Variants in MEI4 observed in about 807,000 individuals in gnomAD.
The protein encoded by MEI4 is meiotic double-stranded break formation protein 4, also known as meiosis-specific protein MEI4.
In MEI4, 27 loss-of-function variants were observed where a neutral mutation model predicts 31.4. That is an observed-to-expected ratio of 0.86 (90% CI 0.63 to 1.19). The LOEUF is 1.19. Ranked by LOEUF, MEI4 falls within the 50% of genes most tolerant of loss-of-function variation. MEI4 has a pLI of 0.00. For missense variants in MEI4, 329 were observed against 398.9 expected, an observed-to-expected ratio of 0.82 and a Z score of 1.49; for synonymous variants, 122 against 145.4, an observed-to-expected ratio of 0.84 and a Z score of 1.16.
At chr6:77,891,580 A>G (rs1309945094) in intron 4 of MEI4, among the ~76,000 whole-genome samples, 1 of 151,362 alleles carries the variant, frequency 6.6e-6, no homozygotes, top group East Asian at 1.9e-4. Context: ...CTGTTTCTTC[A>G]ATATTATTAT....
upstream of MEI4, among the ~76,000 whole-genome samples, chr6:77,650,826 T>C (rs541173467): frequency 2.6e-5 from 4 of 152,276 alleles, no homozygotes; most frequent in African/African-American, 9.6e-5. Context: ...CTGTGGTATA[T>C]GCCAGAGTCT....
At chr6:77,798,173 TA>T (rs1428833491) in intron 3 of MEI4, among the ~76,000 whole-genome samples, 1 of 151,190 alleles carries the variant, frequency 6.6e-6, no homozygotes, top group Admixed American at 6.6e-5. Flanking sequence ...TAAATATAAC[TA>T]AAAAATCAAC....
chr6:77,897,289 T>C (rs939412931), intron 4 of MEI4, among the ~76,000 whole-genome samples: 1 of 152,006 alleles, frequency 6.6e-6, no homozygotes, highest in Non-Finnish European at 1.5e-5. Flanking sequence ...TATGTCCTTA[T>C]TGGGAGTTTC....
At chr6:77,874,582 T>C (rs1292099695) in intron 4 of MEI4, among the ~76,000 whole-genome samples, 1 of 152,144 alleles carries the variant, frequency 6.6e-6, no homozygotes, top group African/African-American at 2.4e-5. Flanking sequence ...CTTTTCCTAA[T>C]TGAATACCCT....
chr6:77,735,822 T>C (rs1767183886), intron 2 of MEI4, among the ~76,000 whole-genome samples: 1 of 152,078 alleles, frequency 6.6e-6, no homozygotes, highest in Non-Finnish European at 1.5e-5. Context: ...GGTGTGGATG[T>C]ACTTTCTGTT....
intron 4 of MEI4, among the ~76,000 whole-genome samples, chr6:77,834,647 T>A (rs1338234611): frequency 1.3e-5 from 2 of 152,002 alleles, no homozygotes; most frequent in Non-Finnish European, 2.9e-5. Context: ...AGCTGAGTTC[T>A]GTAAACAGTT....
intron 2 of MEI4, among the ~76,000 whole-genome samples, chr6:77,695,120 G>T (rs200201947): frequency 1.3e-5 from 2 of 152,008 alleles, no homozygotes; most frequent in Non-Finnish European, 2.9e-5. Context: ...GTTTATTTTT[G>T]TCTTGTAAAT....
At chr6:77,882,238 C>T (rs531218405) in intron 4 of MEI4, among the ~76,000 whole-genome samples, 8 of 152,156 alleles carry the variant, frequency 5.3e-5, no homozygotes, top group Non-Finnish European at 1.0e-4. Context: ...CATCACCCCC[C>T]CAGTGTATCA....
At chr6:77,747,424 G>T (rs139568003) in intron 2 of MEI4, among the ~76,000 whole-genome samples, 3 of 152,138 alleles carry the variant, frequency 2.0e-5, no homozygotes, top group Admixed American at 1.3e-4. Flanking sequence ...CTCAGGAAAC[G>T]CACAGTCATG....
chr6:77,821,079 T>G (rs113454139), intron 3 of MEI4, among the ~76,000 whole-genome samples: 1 of 152,140 alleles, frequency 6.6e-6, no homozygotes, highest in African/African-American at 2.4e-5. Flanking sequence ...TCTTTACTTG[T>G]AACTAATTTG....
intron 1 of MEI4, among the ~76,000 whole-genome samples, chr6:77,686,688 T>C (rs1340318564): frequency 2.6e-5 from 4 of 152,092 alleles, no homozygotes; most frequent in African/African-American, 9.7e-5. Flanking sequence ...CTATAAATCA[T>C]GTATGGGCAT....
At chr6:77,819,884 A>G (rs986856224) in intron 3 of MEI4, among the ~76,000 whole-genome samples, 2 of 152,082 alleles carry the variant, frequency 1.3e-5, no homozygotes, top group African/African-American at 4.8e-5. Context: ...GCTTTGAGGA[A>G]TTGGTTCTGA....
intron 4 of MEI4, among the ~76,000 whole-genome samples, chr6:77,883,721 T>TATATATATATATAC (rs1179108337): frequency 7.7e-6 from 1 of 130,110 alleles, no homozygotes; most frequent in African/African-American, 2.9e-5. Context: ...ATGTAAGATA[T>TATATATATATATAC]ATATATATAT....
intron 3 of MEI4, among the ~76,000 whole-genome samples, chr6:77,766,914 G>A (rs1422126011): frequency 6.6e-6 from 1 of 152,076 alleles, no homozygotes; most frequent in Non-Finnish European, 1.5e-5. Context: ...AATAACACAG[G>A]CTTTTCTTCC....
intron 2 of MEI4, among the ~76,000 whole-genome samples, chr6:77,734,656 A>T (rs1180524265): frequency 3.3e-5 from 5 of 151,584 alleles, no homozygotes; most frequent in Non-Finnish European, 5.9e-5. Context: ...TAATATTATT[A>T]TGTGTGAATT....
At chr6:77,726,493 C>T (rs569671989) in intron 2 of MEI4, among the ~76,000 whole-genome samples, 35 of 152,082 alleles carry the variant, frequency 2.3e-4, no homozygotes, top group Non-Finnish European at 3.8e-4. Flanking sequence ...AACAAGGAAG[C>T]GTAGAGCATC....
intron 4 of MEI4, among the ~76,000 whole-genome samples, chr6:77,835,220 CG>C (rs1321259771): frequency 6.7e-6 from 1 of 150,280 alleles, no homozygotes; most frequent in African/African-American, 2.4e-5. Flanking sequence ...AAAGGCCGGG[CG>C]CGGTGGTGCA....
In MEI4 at chr6:77,661,318, C is replaced by T. The variant is rs969520537; in HGVS notation, c.-15+8226C>T. 3.9e-4 allele frequency among the ~76,000 whole-genome samples: 59 copies of T among 151,684 alleles called. 1 individual carries two copies. Among genetic ancestry groups the T allele is most frequent in the Non-Finnish European group, 1.3e-4 (9 of 67,970 alleles). ...CTTGGGTGATTTGACTAATAAAGGC[C>T]GGTCCGTTATCAGACTGTATAGAGG... On this transcript the variant is annotated intron_variant, in intron 1 of 4. Transcript: ENST00000684080.
chr6:77,745,559 A>G (rs2127674968), intron 2 of MEI4, among the ~76,000 whole-genome samples: 1 of 152,354 alleles, frequency 6.6e-6, no homozygotes. Flanking sequence ...TAGACAGATC[A>G]GTGAGACAGA....
Sources: gnomAD v4.1 joint callset for allele counts (sites outside exome capture counted in the v4.1 genomes callset) on GRCh38, gnomAD v4.1.1 for gene constraint, MANE v1.5 for transcripts, NCBI Gene and HGNC (gene_info 2026-07-23, HGNC 2026-07-21) for gene names.